The following CACNA2D3 variants were observed in gnomAD, a reference collection of about 807,000 sequenced individuals.
The protein encoded by CACNA2D3 is voltage-dependent calcium channel subunit alpha-2/delta-3.
CACNA2D3 carries 60 observed loss-of-function variants against 160.6 expected under a neutral mutation model. The ratio of observed to expected loss-of-function variants is 0.37; its 90% CI spans 0.30 to 0.46. The LOEUF (loss-of-function observed/expected upper bound fraction) is 0.46, where lower values mean the gene tolerates loss of function less well. Among genes scored for constraint, CACNA2D3 ranks in the 20% least tolerant of loss-of-function variants. CACNA2D3 has a pLI of 1.00. For missense variants in CACNA2D3, 1,205 were observed against 1,365.0 expected, an observed-to-expected ratio of 0.88 and a Z score of 1.85; for synonymous variants, 558 against 492.9, an observed-to-expected ratio of 1.13 and a Z score of -1.75.
At chr3:54,841,224 A>G (rs1186887048) in intron 16 of CACNA2D3, among the ~76,000 whole-genome samples, 2 of 152,378 alleles carry the variant, frequency 1.3e-5, no homozygotes, top group South Asian at 2.1e-4. Context: ...ATTCCCATGA[A>G]GTGGGGACCC....
intron 4 of CACNA2D3, among the ~76,000 whole-genome samples, chr3:54,462,201 G>T (rs1222222115): frequency 6.6e-6 from 1 of 152,138 alleles, no homozygotes; most frequent in East Asian, 1.9e-4. Context: ...TTCCCAGTAT[G>T]TGGTCCATTT....
chr3:54,335,789 A>G (rs1031598008), intron 3 of CACNA2D3, among the ~76,000 whole-genome samples: 2 of 151,904 alleles, frequency 1.3e-5, no homozygotes, highest in African/African-American at 4.8e-5. Flanking sequence ...GCGGATCATG[A>G]GGTCAGGAGA....
intron 5 of CACNA2D3, among the ~76,000 whole-genome samples, chr3:54,510,234 A>G (rs917408789): frequency 6.6e-6 from 1 of 151,808 alleles, no homozygotes; most frequent in East Asian, 1.9e-4. Flanking sequence ...GGATGGATGG[A>G]TGAATGGATG....
rs142768839 is a variant in CACNA2D3, at chr3:54,763,669, G to A, written c.1247-549G>A. Among the ~76,000 whole-genome samples, 508 of 128,506 alleles carry A rather than the reference G, an allele frequency of 4.0e-3. 4 individuals carry two copies. Among genetic ancestry groups the A allele is most frequent in the African/African-American group, 0.012 (427 of 35,186 alleles). 84.3% of individuals were successfully genotyped at this position (128,506 alleles called of 152,430 possible). ...TGTATATATATGTGTGTGTGTGTGT[G>A]TATATATGTATATATGTGTGTATAT... On this transcript the variant is annotated intron_variant, in intron 12 of 37. Transcript: ENST00000474759.
chr3:54,610,437 T>C (rs1698728581), intron 9 of CACNA2D3, among the ~76,000 whole-genome samples: 1 of 140,864 alleles, frequency 7.1e-6, no homozygotes, highest in Non-Finnish European at 1.6e-5. Flanking sequence ...AGAATCATAA[T>C]GCTTTTTTTT....
In CACNA2D3 at chr3:54,312,774, G is replaced by A. The variant is rs746287168; in HGVS notation, c.205-7668G>A. Among the ~76,000 whole-genome samples the A allele has an allele frequency of 7.9e-5, 12 of 152,292 alleles. No individual in the cohort carries two copies. The South Asian group carries it at 2.5e-3, about 32-fold the overall frequency. On this transcript the variant is annotated intron_variant, in intron 2 of 37. Coordinates refer to ENST00000474759, the MANE Select transcript of CACNA2D3 (RefSeq NM_018398.3). ...ACTTCAGAGGCTCTTTTGTGACAGA[G>A]AGAATACAAAGTTTCTCAGGCTTGC...
chr3:54,973,949 C>G (rs1370033047), intron 29 of CACNA2D3, among the ~76,000 whole-genome samples: 3 of 152,146 alleles, frequency 2.0e-5, no homozygotes, highest in African/African-American at 2.4e-5. Context: ...AGGCCCCACC[C>G]TCAGATGCAA....
At chr3:54,855,992 GTCT>G (rs1203141488) in intron 17 of CACNA2D3, among the ~76,000 whole-genome samples, 2 of 152,102 alleles carry the variant, frequency 1.3e-5, no homozygotes, top group African/African-American at 4.8e-5. Context: ...CATTCCTCAA[GTCT>G]TCTTGCATGG....
At chr3:54,709,187 G>A (rs1053630035) in intron 11 of CACNA2D3, among the ~76,000 whole-genome samples, 2 of 148,238 alleles carry the variant, frequency 1.3e-5, no homozygotes, top group African/African-American at 5.1e-5. Flanking sequence ...TTTTTTTTTT[G>A]TATTTTTAGT....
intron 2 of CACNA2D3, among the ~76,000 whole-genome samples, chr3:54,147,835 T>C (rs1016272259): frequency 6.6e-6 from 1 of 152,262 alleles, no homozygotes; most frequent in African/African-American, 2.4e-5. Flanking sequence ...TGAGACGGAC[T>C]CTTGCTCTGT....
intron 2 of CACNA2D3, among the ~76,000 whole-genome samples, chr3:54,289,982 C>G (rs536842642): frequency 4.6e-4 from 70 of 151,486 alleles, no homozygotes; most frequent in African/African-American, 1.6e-3. Flanking sequence ...CATTACCATT[C>G]AGGACATAGG....
At chr3:55,073,004 A>G (rs1704846740) in intron 35 of CACNA2D3, among the ~76,000 whole-genome samples, 1 of 152,218 alleles carries the variant, frequency 6.6e-6, no homozygotes, top group Non-Finnish European at 1.5e-5. Context: ...CTCTTTTGCC[A>G]TTGGTATGAC....
chr3:54,549,408 T>C (rs1407362400), intron 5 of CACNA2D3, among the ~76,000 whole-genome samples: 1 of 152,236 alleles, frequency 6.6e-6, no homozygotes, highest in Non-Finnish European at 1.5e-5. Context: ...ATCGTGCCAC[T>C]GCAGTCTGGC....
chr3:54,998,844 T>C (rs566172039), intron 31 of CACNA2D3, among the ~76,000 whole-genome samples: 18 of 152,282 alleles, frequency 1.2e-4, no homozygotes, highest in African/African-American at 4.3e-4. Context: ...TCTCCAGGGT[T>C]CACGCCATTC....
intron 5 of CACNA2D3, among the ~76,000 whole-genome samples, chr3:54,537,583 A>G (rs1394638845): frequency 6.6e-6 from 1 of 152,170 alleles, no homozygotes; most frequent in East Asian, 1.9e-4. Flanking sequence ...CCCTACGCTG[A>G]GCACCATTTC....
At position 54,729,336 on chromosome 3, in the gene CACNA2D3, A is replaced by T. The variant is rs377174980; in HGVS notation, c.1168-23263A>T. Among the ~76,000 whole-genome samples the T allele has an allele frequency of 7.9e-5, 12 of 152,268 alleles. No homozygotes were observed. In the East Asian group the frequency reaches 2.3e-3, roughly 29 times the overall value. On this transcript the variant is annotated intron_variant, in intron 11 of 37. Coordinates refer to ENST00000474759, the MANE Select transcript of CACNA2D3 (RefSeq NM_018398.3). ...GATCTGGTGGCACCTTCAAGCCCTC[A>T]TTGCCCTTTTTCTTTTTTGTAGTTT...
At chr3:54,972,979 G>A (rs373788853) in intron 29 of CACNA2D3, among the ~76,000 whole-genome samples, 13 of 152,166 alleles carry the variant, frequency 8.5e-5, no homozygotes, top group African/African-American at 2.9e-4. Context: ...CTGCTCTCCT[G>A]AAGCTTACCG....
intron 21 of CACNA2D3, among the ~76,000 whole-genome samples, chr3:54,883,692 A>G (rs943221175): frequency 6.6e-6 from 1 of 151,824 alleles, no homozygotes; most frequent in Non-Finnish European, 1.5e-5. Context: ...TGCACTTGTT[A>G]TTCCTTCTGC....
At chr3:54,391,661 C>T (rs1353924678) in intron 4 of CACNA2D3, among the ~76,000 whole-genome samples, 1 of 152,104 alleles carries the variant, frequency 6.6e-6, no homozygotes, top group Non-Finnish European at 1.5e-5. Context: ...CAGGTGTGCA[C>T]CATGACACCC....
Sources: gnomAD v4.1 joint callset for allele counts (sites outside exome capture counted in the v4.1 genomes callset) on GRCh38, gnomAD v4.1.1 for gene constraint, MANE v1.5 for transcripts, NCBI Gene and HGNC (gene_info 2026-07-23, HGNC 2026-07-21) for gene names.